Variants in MGA observed in about 807,000 individuals in gnomAD.
MGA encodes the protein MAX dimerization protein MGA.
MGA carries 40 observed loss-of-function variants against 261.1 expected under a neutral mutation model. That is an observed-to-expected ratio of 0.15 (90% CI 0.12 to 0.20). The LOEUF is 0.20. Ranked by LOEUF, MGA falls within the 10% of genes least tolerant of loss-of-function variation. The pLI is 1.00. For synonymous variants in MGA, 1,302 were observed against 1,290.6 expected, an observed-to-expected ratio of 1.01 and a Z score of -0.19; for missense variants, 3,397 against 3,630.5, an observed-to-expected ratio of 0.94 and a Z score of 1.65.
At chr15:41,715,165 T>C (rs2060569024) in intron 9 of MGA, among the ~76,000 whole-genome samples, 1 of 150,832 alleles carries the variant, frequency 6.6e-6, no homozygotes, top group African/African-American at 2.4e-5. Flanking sequence ...TTTTTCTTTT[T>C]TTGAGACAGA....
chr15:41,664,706 A>T (rs1469995005), intron 1 of MGA, among the ~76,000 whole-genome samples: 1 of 152,228 alleles, frequency 6.6e-6, no homozygotes, highest in Admixed American at 6.5e-5. Flanking sequence ...TAATAAGTAC[A>T]AGCTAGGAGT....
At chr15:41,740,032 C>G (rs190653892) in intron 13 of MGA, 2 of 1,613,960 alleles carry the variant, frequency 1.2e-6, no homozygotes, top group Admixed American at 3.3e-5. Context: ...CCTCTCAACC[C>G]TCAGTACTGT....
At chr15:41,677,062 T>C (rs2058423908) in intron 2 of MGA, among the ~76,000 whole-genome samples, 2 of 152,252 alleles carry the variant, frequency 1.3e-5, no homozygotes, top group Admixed American at 1.3e-4. Flanking sequence ...TTGCCTGATC[T>C]CTTTGGCCTT....
In MGA at chr15:41,762,165, A is replaced by G; in HGVS notation, c.7547A>G (p.Tyr2516Cys). Residue 2516 changes from tyrosine (Y) to cysteine (C), a missense_variant, in exon 22 of 24, where the codon TAT becomes TGT. Around this residue, in one of 9 missense-constraint regions of MGA, gnomAD observed 50 missense variants for 121.5 expected, o/e 0.41. Transcript: ENST00000219905. ...GAAGTGGTCCTGAAGAAGCTAGAGT[A>G]TATTTATGCAAAACAGCAAGCACTA... 6.2e-7 allele frequency: 1 copy of G among 1,613,868 alleles called. No homozygotes were observed.
In MGA at chr15:41,764,982, G is replaced by A. The variant is rs1415677240; in HGVS notation, c.7841G>A (p.Gly2614Glu). The A allele has an allele frequency of 2.5e-6, 4 of 1,614,020 alleles. No homozygotes were observed. In the Admixed American group the frequency reaches 6.7e-5, roughly 27 times the overall value. The change falls in exon 23 of 24, where the codon GGA becomes GAA. Residue 2614 changes from glycine (G) to glutamate (E), a missense_variant. Physicochemically the swap from Gly to Glu is moderately conservative, Grantham distance 98 (BLOSUM62 -2). Transcript: ENST00000219905. ...ACCCTAAAAGGTCCCCTATTCTCAG[G>A]ACCAGTGGTAGCTGTTTCTCCTGAT...
intron 5 of MGA, among the ~76,000 whole-genome samples, chr15:41,700,974 T>A (rs575761292): frequency 1.3e-5 from 2 of 152,206 alleles, no homozygotes; most frequent in East Asian, 3.8e-4. Flanking sequence ...ATTTTTGCTT[T>A]AATGGAAGGC....
At chr15:41,637,310 G>A (rs1288743554) in intron 1 of MGA, among the ~76,000 whole-genome samples, 2 of 152,166 alleles carry the variant, frequency 1.3e-5, no homozygotes, top group Non-Finnish European at 2.9e-5. Flanking sequence ...GGTGACCTGG[G>A]ATTATAGAGA....
intron 6 of MGA, 92 bp downstream of exon 6, chr15:41,707,951 A>G (rs1039077886): frequency 1.1e-5 from 16 of 1,461,094 alleles, no homozygotes; most frequent in Middle Eastern, 1.8e-4. Flanking sequence ...TATTGGTGAC[A>G]TTTAACATTA....
intron 1 of MGA, among the ~76,000 whole-genome samples, chr15:41,665,741 C>G (rs2057697338): frequency 6.6e-6 from 1 of 151,948 alleles, no homozygotes; most frequent in Admixed American, 6.6e-5. Flanking sequence ...AAGTATACAC[C>G]AAAAAGAAAT....
intron 13 of MGA, 85 bp from the exon 14 acceptor site, chr15:41,739,821 T>G: frequency 7.5e-7 from 1 of 1,331,288 alleles, no homozygotes; most frequent in East Asian, 2.5e-5. Flanking sequence ...TTATGAAAAC[T>G]TGTAAAAATG....
chr15:41,621,699 A>T (rs1302575422), intron 1 of MGA: 1 of 146,204 alleles, frequency 6.8e-6, no homozygotes, highest in Non-Finnish European at 1.5e-5. Flanking sequence ...CGTTGGGGGG[A>T]AGGAGAGGGT....
At chr15:41,703,178 T>C (rs2059934315) in intron 5 of MGA, among the ~76,000 whole-genome samples, 1 of 152,192 alleles carries the variant, frequency 6.6e-6, no homozygotes, top group South Asian at 2.1e-4. Flanking sequence ...TTCCTGGTTG[T>C]GACAGTTTCT....
chr15:41,753,549 TATA>T (rs2062974074), intron 17 of MGA, among the ~76,000 whole-genome samples: 1 of 152,188 alleles, frequency 6.6e-6, no homozygotes, highest in South Asian at 2.1e-4. Context: ...CCTTTTTTGG[TATA>T]ATAAGGAAAT....
chr15:41,752,147 T>G (rs2062869966), intron 17 of MGA: 1 of 152,074 alleles, frequency 6.6e-6, no homozygotes, highest in Non-Finnish European at 1.5e-5. Flanking sequence ...ATTCTCCTGC[T>G]TCAGCCTCCT....
chr15:41,656,780 T>C (rs2057210125), upstream of MGA, among the ~76,000 whole-genome samples: 1 of 152,134 alleles, frequency 6.6e-6, no homozygotes, highest in Non-Finnish European at 1.5e-5. Context: ...CTTTTCTTTC[T>C]TTAAGAGACA....
intron 9 of MGA, among the ~76,000 whole-genome samples, chr15:41,719,723 A>G (rs1007340362): frequency 1.3e-5 from 2 of 152,112 alleles, no homozygotes; most frequent in Non-Finnish European, 1.5e-5. Flanking sequence ...AGTCTGGGTG[A>G]CAGAGTGAGA....
chr15:41,730,455 A>G, intron 11 of MGA, among the ~76,000 whole-genome samples: 1 of 142,516 alleles, frequency 7.0e-6, no homozygotes, highest in East Asian at 1.9e-4. Context: ...AAAAAAAAAA[A>G]TGTAATTAAG....
chr15:41,642,514 T>G (rs1418476154), intron 1 of MGA, among the ~76,000 whole-genome samples: 1 of 151,820 alleles, frequency 6.6e-6, no homozygotes, highest in African/African-American at 2.4e-5. Flanking sequence ...AGACAGAGTC[T>G]TCCTCTGTTG....
chr15:41,651,765 CCTCCCCCTCTCCT>C (rs2057060614), intron 1 of MGA, among the ~76,000 whole-genome samples: 1 of 41,600 alleles, frequency 2.4e-5, no homozygotes, highest in Non-Finnish European at 5.1e-5. Flanking sequence ...CCTCCTCTCC[CCTCCCCCTCTCCT>C]TTCCCCTCTT....
Sources: allele counts gnomAD v4.1 joint callset (sites outside exome capture counted in the v4.1 genomes callset), GRCh38; gene constraint gnomAD v4.1.1; regional missense constraint gnomAD v4.1.1; transcripts MANE v1.5; gene names NCBI Gene and HGNC (gene_info 2026-07-23, HGNC 2026-07-21).